Variants in MYLK observed in about 807,000 individuals in gnomAD.
MYLK encodes myosin light chain kinase, also known as myosin light chain kinase, smooth muscle.
Under a neutral mutation model 203.4 loss-of-function variants are expected in MYLK, and 106 were observed. The observed-to-expected ratio is 0.52, with a 90% confidence interval of 0.45 to 0.61. The LOEUF is 0.61. Ranked by LOEUF, MYLK falls within the 20% of genes least tolerant of loss-of-function variation. The pLI, the probability that MYLK is intolerant of heterozygous loss-of-function variation, is 0.00. For synonymous variants in MYLK, 867 were observed against 959.5 expected (o/e 0.90, Z 1.78); for missense variants, 2,072 against 2,442.3 (o/e 0.85, Z 3.20).
At chr3:123,787,990 G>A (rs142579047) in intron 4 of MYLK, among the ~76,000 whole-genome samples, 199 of 152,340 alleles carry the variant, frequency 1.3e-3, no homozygotes, top group African/African-American at 4.5e-3. Flanking sequence ...AGACAAGGCT[G>A]GAGGGTGAGG....
chr3:123,708,555 T>C, intron 15 of MYLK, 143 bp downstream of exon 15: 1 of 863,332 alleles, frequency 1.2e-6, no homozygotes, highest in Non-Finnish European at 1.8e-6. Context: ...GGAGCTGGCC[T>C]CTGGGGCTGG....
rs1016031661 is a variant in MYLK, at chr3:123,640,433, T to C, written c.4691A>G (p.Lys1564Arg). The change falls in exon 28 of 34, where the codon AAG becomes AGG. Residue 1564 changes from lysine to arginine, a missense_variant. By Grantham distance (26) the Lys-to-Arg change is conservative (BLOSUM62 2). Transcript: ENST00000360304. This position sits in a 1 kb window ranked among gnomAD's most constrained non-coding sequence, Gnocchi z 4.3. ...TCCCTCCGAGATCTGCCGCATGTACTTGATGCACTCACGCTCCGTCAGCTC... is the reference window on the plus strand; with the variant it reads ...TCCCTCCGAGATCTGCCGCATGTACCTGATGCACTCACGCTCCGTCAGCTC... ...DFELTERECI[K>R]YMRQISEGVE... 1.2e-6 allele frequency: 2 copies of C among 1,613,846 alleles called. No individual in the cohort carries two copies. Among genetic ancestry groups the C allele is most frequent in the East Asian group, 4.5e-5 (2 of 44,870 alleles).
rs2061566265 is a variant in MYLK at position 123,708,841 on chromosome 3, G to A, written c.1997C>T (p.Ser666Leu). The change falls in exon 15 of 34, where the codon TCA becomes TTA. Residue 666 changes from serine to leucine, a missense_variant. By Grantham distance (145) the Ser-to-Leu change is moderately radical. This residue lies in a region of MYLK where 865 missense variants were observed against 1,016.0 expected (regional missense o/e 0.85). Coordinates refer to ENST00000360304, the MANE Select transcript of MYLK (RefSeq NM_053025.4). ...TCTCTGTTCAAAGTGGAAGTCCTCT[G>A]ACTCTTGGATCTCATTCCCATTGTG... ...WLHNGNEIQE[S>L]EDFHFEQRGT... 1 of 1,614,156 alleles carries A rather than the reference G, an allele frequency of 6.2e-7. No individual in the cohort carries two copies. The highest frequency in any genetic ancestry group is 8.5e-7 in the Non-Finnish European group (1 of 1,180,022).
At chr3:123,822,092 C>CGTGGGAT (rs1265404772) in intron 3 of MYLK, among the ~76,000 whole-genome samples, 2 of 152,158 alleles carry the variant, frequency 1.3e-5, no homozygotes, top group African/African-American at 4.8e-5. Flanking sequence ...TACCTTCCAC[C>CGTGGGAT]GTGGGATGAC....
At chr3:123,846,459 A>T (rs913946777) in intron 2 of MYLK, among the ~76,000 whole-genome samples, 1 of 152,168 alleles carries the variant, frequency 6.6e-6, no homozygotes, top group Non-Finnish European at 1.5e-5. Context: ...AGTATGCATA[A>T]TATTTCATTC....
intron 13 of MYLK, among the ~76,000 whole-genome samples, chr3:123,717,896 T>A (rs1477227188): frequency 1.5e-5 from 2 of 131,500 alleles, no homozygotes; most frequent in Admixed American, 1.8e-4. Context: ...TGCTCTGTCA[T>A]CCAGGCTGGA....
intron 4 of MYLK, among the ~76,000 whole-genome samples, chr3:123,779,240 T>C (rs1303973837): frequency 6.6e-6 from 1 of 152,156 alleles, no homozygotes; most frequent in East Asian, 1.9e-4. Flanking sequence ...TGGGGGATGG[T>C]GGCCTGGGAA....
intron 2 of MYLK, among the ~76,000 whole-genome samples, chr3:123,843,187 T>C (rs1306394217): frequency 1.3e-5 from 2 of 152,150 alleles, no homozygotes; most frequent in African/African-American, 2.4e-5. Flanking sequence ...GTCTAAACCA[T>C]GTTGTCAAAG....
At chr3:123,864,388 G>A (rs996569318) in intron 2 of MYLK, among the ~76,000 whole-genome samples, 12 of 152,106 alleles carry the variant, frequency 7.9e-5, no homozygotes, top group African/African-American at 2.9e-4. Context: ...TCAACTCAAG[G>A]TAATGGTATG....
intron 2 of MYLK, among the ~76,000 whole-genome samples, chr3:123,849,465 G>A (rs543051203): frequency 6.6e-6 from 1 of 152,154 alleles, no homozygotes; most frequent in African/African-American, 2.4e-5. Flanking sequence ...AAATTTTGGG[G>A]TGGTTTATTA....
chr3:123,660,453 A>G (rs1466041870), intron 23 of MYLK, among the ~76,000 whole-genome samples: 1 of 152,186 alleles, frequency 6.6e-6, no homozygotes. Context: ...CCATCTGGGT[A>G]TGCTGCTCAC....
At chr3:123,659,714 C>G in intron 23 of MYLK, 2 of 517,830 alleles carry the variant, frequency 3.9e-6, no homozygotes, top group South Asian at 1.4e-5. Context: ...GTCCTTAGAA[C>G]AGGGAGCTCC....
intron 20 of MYLK, among the ~76,000 whole-genome samples, chr3:123,675,565 G>T (rs2060047106): frequency 6.6e-6 from 1 of 152,228 alleles, no homozygotes; most frequent in African/African-American, 2.4e-5. Context: ...AAGCAAAGGA[G>T]AATTAGGGAA....
intron 28 of MYLK, chr3:123,638,664 C>A: frequency 1.4e-6 from 1 of 736,728 alleles, no homozygotes; most frequent in Non-Finnish European, 1.7e-6. Context: ...GTGATTTCCC[C>A]ACCCGGTTAA....
chr3:123,625,603 T>C (rs1181740656), intron 31 of MYLK, among the ~76,000 whole-genome samples: 1 of 151,716 alleles, frequency 6.6e-6, no homozygotes, highest in Non-Finnish European at 1.5e-5. Flanking sequence ...GGTCAGGAGA[T>C]TGAGACCATC....
chr3:123,835,305 T>A (rs2066447654), intron 2 of MYLK, among the ~76,000 whole-genome samples: 1 of 152,104 alleles, frequency 6.6e-6, no homozygotes, highest in South Asian at 2.1e-4. Flanking sequence ...AAGCCTGAGG[T>A]TCAATATGGC....
intron 28 of MYLK, chr3:123,638,790 C>G: frequency 1.0e-6 from 1 of 985,426 alleles, no homozygotes; most frequent in Non-Finnish European, 1.2e-6. Flanking sequence ...CCTTCAGGAG[C>G]TACTGGTAGG....
intron 2 of MYLK, among the ~76,000 whole-genome samples, chr3:123,852,906 C>T (rs1043598510): frequency 6.6e-6 from 1 of 152,126 alleles, no homozygotes; most frequent in Non-Finnish European, 1.5e-5. Context: ...AACTGTACCT[C>T]GTCTCCAGTC....
chr3:123,832,157 T>C (rs2066350367), intron 2 of MYLK, among the ~76,000 whole-genome samples: 1 of 152,182 alleles, frequency 6.6e-6, no homozygotes, highest in Admixed American at 6.5e-5. Context: ...GGGAAAGCAC[T>C]GTGCTTCTAG....
Sources: allele counts gnomAD v4.1 joint callset (sites outside exome capture counted in the v4.1 genomes callset), GRCh38; gene constraint gnomAD v4.1.1; regional missense constraint gnomAD v4.1.1; non-coding constraint Gnocchi (gnomAD v3.1); transcripts MANE v1.5; gene names NCBI Gene and HGNC (gene_info 2026-07-23, HGNC 2026-07-21).